The following PGAP6 variants were observed in gnomAD, a reference collection of about 807,000 sequenced individuals.
The protein encoded by PGAP6 is post-GPI attachment to proteins factor 6.
Under a neutral mutation model 68.4 loss-of-function variants are expected in PGAP6, and 62 were observed. That is an observed-to-expected ratio of 0.91 (90% CI 0.74 to 1.12). The LOEUF is 1.12. Ranked by LOEUF, PGAP6 falls within the 50% of genes most tolerant of loss-of-function variation. The pLI is 0.00. For synonymous variants in PGAP6, 575 were observed against 474.0 expected (o/e 1.21, Z -2.77); for missense variants, 1,188 against 1,068.5 (o/e 1.11, Z -1.56).
chr16:381,822 G>C lies in PGAP6; in HGVS notation c.-1C>G. 9.2e-7 allele frequency: 1 copy of C among 1,084,482 alleles called. No individual in the cohort carries two copies. Among genetic ancestry groups the C allele is most frequent in the Non-Finnish European group, 1.1e-6 (1 of 894,632 alleles). 67.2% of individuals were successfully genotyped at this position (1,084,482 alleles called of 1,614,324 possible). On this transcript the variant is annotated 5_prime_UTR_variant, in exon 1 of 13. Coordinates refer to ENST00000431232, the MANE Select transcript of PGAP6 (RefSeq NM_021259.3). Reference sequence around the variant, plus strand: ...CGGTCCCGGTGCCAGCCCGGCCCATGGCTCCGCGCTCGGCCCGGCGCTACC... The same window carrying C: ...CGGTCCCGGTGCCAGCCCGGCCCATCGCTCCGCGCTCGGCCCGGCGCTACC...
chr16:385,704 A>G (rs1019084404), upstream of PGAP6, among the ~76,000 whole-genome samples: 1 of 137,156 alleles, frequency 7.3e-6, no homozygotes, highest in Non-Finnish European at 1.5e-5. Context: ...GGCTCACTGC[A>G]AGCTCCGCCT....
rs866564304 is a variant in PGAP6 at position 374,340 on chromosome 16, C to T, written c.1636G>A (p.Ala546Thr). 2 of 1,603,096 alleles carry T rather than the reference C, an allele frequency of 1.2e-6. No homozygotes were observed. The highest frequency in any genetic ancestry group is 2.7e-5 in the African/African-American group (2 of 74,870). Residue 546 changes from alanine to threonine, a missense_variant, in exon 10 of 13, where the codon GCG becomes ACG. Coordinates refer to ENST00000431232, the MANE Select transcript of PGAP6 (RefSeq NM_021259.3). ...STAQTVAQQRAATLLLTLSNL... is the reference protein window; with the variant it reads ...STAQTVAQQRTATLLLTLSNL... ...CTGAGCGTGAGCAGCAGTGTGGCCG[C>T]CCTCTGCTGGGCCACCGTCTGGGCT...
At chr16:375,875 C>T (rs1029258130) in intron 6 of PGAP6, among the ~76,000 whole-genome samples, 4 of 152,188 alleles carry the variant, frequency 2.6e-5, no homozygotes, top group Admixed American at 1.3e-4. Flanking sequence ...CACGGTGCAC[C>T]GGGACCTTCC....
chr16:375,318 G>A lies in PGAP6; in HGVS notation c.1315+27C>T, dbSNP rs747155064. On this transcript the variant is annotated intron_variant, in intron 7 of 12. Coordinates refer to ENST00000431232, the MANE Select transcript of PGAP6 (RefSeq NM_021259.3). ...GGGGCGGGGGGCTGGCCGGGGCCACGCTGACGGTGACGCCTGCCCATCATA... is the reference window on the plus strand; with the variant it reads ...GGGGCGGGGGGCTGGCCGGGGCCACACTGACGGTGACGCCTGCCCATCATA... 44 of 1,612,576 alleles carry A rather than the reference G, an allele frequency of 2.7e-5. No homozygotes were observed. In the East Asian group the frequency reaches 5.6e-4, roughly 20 times the overall value.
Position 381,734 on chromosome 16 carries a change from G to A in PGAP6, c.88C>T (p.Pro30Ser), listed in dbSNP as rs2054440354. The A allele has an allele frequency of 4.9e-6, 6 of 1,214,086 alleles. No homozygotes were observed. Among genetic ancestry groups the A allele is most frequent in the Non-Finnish European group, 3.1e-6 (3 of 975,176 alleles). 75.2% of individuals were successfully genotyped at this position (1,214,086 alleles called of 1,614,324 possible). ...PLLLLLLARP[P>S]PASAGYSGKS... The stretch of plus-strand genomic sequence containing the variant: ...CCGCTGTAGCCGGCGGAGGCAGGCG[G>A]GGGCCGGGCAAGCAGCAGCAGCAGC... Residue 30 changes from proline to serine, a missense_variant, in exon 1 of 13, where the codon CCG (proline) becomes TCG (serine). Coordinates refer to ENST00000431232, the MANE Select transcript of PGAP6 (RefSeq NM_021259.3).
At chr16:379,389 C>G (rs1043707496) in intron 1 of PGAP6, among the ~76,000 whole-genome samples, 3 of 152,238 alleles carry the variant, frequency 2.0e-5, no homozygotes. Flanking sequence ...GGCGTGGCGA[C>G]TGGGCAGGGG....
At chr16:381,291 C>A (rs1597166616) in intron 1 of PGAP6, among the ~76,000 whole-genome samples, 1 of 152,242 alleles carries the variant, frequency 6.6e-6, no homozygotes, top group Non-Finnish European at 1.5e-5. Context: ...TAACAACTTT[C>A]TCCCGGCTCT....
At chr16:380,367 T>C (rs1261838070) in intron 1 of PGAP6, among the ~76,000 whole-genome samples, 1 of 148,540 alleles carries the variant, frequency 6.7e-6, no homozygotes, top group African/African-American at 2.6e-5. Flanking sequence ...TTTCTTTCTG[T>C]CTTTCTTTTT....
upstream of PGAP6, among the ~76,000 whole-genome samples, chr16:385,076 G>C (rs1597170283): frequency 1.3e-5 from 2 of 149,964 alleles, no homozygotes; most frequent in African/African-American, 4.9e-5. Context: ...TGAGGCAGGA[G>C]AATCACTTGA....
At chr16:380,368 C>G (rs1015953071) in intron 1 of PGAP6, among the ~76,000 whole-genome samples, 2 of 148,578 alleles carry the variant, frequency 1.3e-5, no homozygotes, top group African/African-American at 5.2e-5. Context: ...TTCTTTCTGT[C>G]TTTCTTTTTT....
In PGAP6 at chr16:376,556, C is replaced by G; in HGVS notation, c.892G>C (p.Ala298Pro). The change falls in exon 5 of 13, where the codon GCT becomes CCT. Residue 298 changes from alanine to proline, a missense_variant. Ala to Pro is a conservative substitution (Grantham distance 27). Coordinates refer to ENST00000431232, the MANE Select transcript of PGAP6 (RefSeq NM_021259.3). ...PLGTVAFSAV[A>P]ALTACRPRSV... The stretch of plus-strand genomic sequence containing the variant: ...TTGTGCGGCCCACCTGTGAGGGCAG[C>G]TACAGCACTGAAAGCCACTGTCCCG... 6.4e-7 allele frequency: 1 copy of G among 1,552,630 alleles called. No individual in the cohort carries two copies. The highest frequency in any genetic ancestry group is 8.7e-7 in the Non-Finnish European group (1 of 1,148,368).
intron 1 of PGAP6, among the ~76,000 whole-genome samples, chr16:380,980 G>A (rs571992471): frequency 6.6e-5 from 10 of 152,218 alleles, no homozygotes; most frequent in Non-Finnish European, 1.0e-4. Context: ...GGTGGCCAAG[G>A]CCTGACGGTC....
At position 370,896 on chromosome 16, in the gene PGAP6, C is replaced by T. The variant is rs1323092022; in HGVS notation, c.*1091G>A. On this transcript the variant is annotated 3_prime_UTR_variant, in exon 13 of 13. Coordinates refer to ENST00000431232, the MANE Select transcript of PGAP6 (RefSeq NM_021259.3). The stretch of plus-strand genomic sequence containing the variant: ...TAGAATTTTCCTTTACTCCAAAAAA[C>T]CCCATATATATATGTTTCTCCTTTA... The T allele has an allele frequency of 6.6e-6, 1 of 152,280 alleles. No individual in the cohort carries two copies. Among genetic ancestry groups the T allele is most frequent in the Non-Finnish European group, 1.5e-5 (1 of 68,112 alleles). 9.4% of individuals were successfully genotyped at this position (152,280 alleles called of 1,614,324 possible). A position where few individuals can be genotyped will look rare whatever the true frequency, so the allele number is the denominator to read the frequency against.
upstream of PGAP6, chr16:386,836 A>T (rs764165196): frequency 1.5e-6 from 1 of 689,476 alleles, no homozygotes; most frequent in East Asian, 3.3e-5. Flanking sequence ...TTAAAGGCCA[A>T]GAAGGCAGCG....
At chr16:379,204 C>T (rs1176979222) in intron 1 of PGAP6, among the ~76,000 whole-genome samples, 1 of 152,192 alleles carries the variant, frequency 6.6e-6, no homozygotes, top group Non-Finnish European at 1.5e-5. Context: ...GGAGCGCTGC[C>T]TAGGTCTCAC....
chr16:375,080 C>T (rs2054369570), intron 8 of PGAP6, 53 bp downstream of exon 8: 1 of 1,603,180 alleles, frequency 6.2e-7, no homozygotes, highest in South Asian at 1.1e-5. Context: ...GCCTGTGGTC[C>T]TGAGTGAAAT....
At position 374,292 on chromosome 16, in the gene PGAP6, TGG is replaced by T. The variant is rs2054360945; in HGVS notation, c.1682_1683del (p.Pro561HisfsTer154). The part of the protein sequence containing the change: ...LTLSNLMFLA[P>X]IAVSVRRFFL... ...AAGAATCGCCGCACTGAGACGGCGA[TGG>T]GGGCCAGGAACATGAGGTTGCTGAG... is the stretch of plus-strand genomic sequence containing the variant. On this transcript the variant is annotated frameshift_variant, in exon 10 of 13. Transcript: ENST00000431232. LOFTEE classifies it high-confidence loss of function. The T allele has an allele frequency of 1.2e-6, 2 of 1,606,644 alleles. No individual in the cohort carries two copies. The highest frequency in any genetic ancestry group is 2.2e-5 in the South Asian group (2 of 91,040).
intron 1 of PGAP6, among the ~76,000 whole-genome samples, chr16:379,721 G>A (rs2054422030): frequency 6.6e-6 from 1 of 152,206 alleles, no homozygotes; most frequent in Non-Finnish European, 1.5e-5. Flanking sequence ...ACAGAGATAA[G>A]AGATCTGTTC....
In PGAP6 at chr16:381,691, T is replaced by C. The variant is rs1334160384; in HGVS notation, c.121+10A>G. 1.6e-5 allele frequency: 19 copies of C among 1,192,112 alleles called. No homozygotes were observed. Among genetic ancestry groups the C allele is most frequent in the Non-Finnish European group, 2.0e-5 (19 of 963,542 alleles). 73.8% of individuals were successfully genotyped at this position (1,192,112 alleles called of 1,614,324 possible). A position where few individuals can be genotyped will look rare whatever the true frequency, so the allele number is the denominator to read the frequency against. ...CCACGCCCCCGATGGCGCCCGCGCC[T>C]CCCGCTCACCGCTCTTCCCGCTGTA... On this transcript the variant is annotated intron_variant, in intron 1 of 12. Transcript: ENST00000431232.
Sources: gnomAD v4.1 joint callset for allele counts (sites outside exome capture counted in the v4.1 genomes callset) on GRCh38, gnomAD v4.1.1 for gene constraint, MANE v1.5 for transcripts, NCBI Gene and HGNC (gene_info 2026-07-23, HGNC 2026-07-21) for gene names.